RNF144A: variants seen among roughly 807,000 people sequenced by gnomAD.
RNF144A encodes the protein E3 ubiquitin-protein ligase RNF144A.
In RNF144A, 11 loss-of-function variants were observed where a neutral mutation model predicts 38.7. The observed-to-expected ratio is 0.28, with a 90% CI of 0.18 to 0.47. The LOEUF (loss-of-function observed/expected upper bound fraction) is 0.47. RNF144A is among the 20% of genes least tolerant of loss of function. The pLI is 0.99. For synonymous variants in RNF144A, 149 were observed against 143.9 expected (o/e 1.04, Z -0.25); for missense variants, 316 against 377.2 (o/e 0.84, Z 1.34).
In RNF144A at chr2:7,040,775, G is replaced by C. The variant is rs1429399300; in HGVS notation, c.*1015G>C. ...CTGGAGGACTCTGGGGGCTAGGGAA[G>C]AGCCTGCCAGATTTTCACATTTTTA... On this transcript the variant is annotated 3_prime_UTR_variant, in exon 9 of 9. Coordinates refer to ENST00000320892, the MANE Select transcript of RNF144A (RefSeq NM_014746.6). 3.0e-6 allele frequency: 3 copies of C among 985,368 alleles called. No homozygotes were observed. Among genetic ancestry groups the C allele is most frequent in the Non-Finnish European group, 3.6e-6 (3 of 829,956 alleles). The allele number at this position is 985,368 out of a possible 1,614,324, so 61.0% of individuals were successfully genotyped here. A position where few individuals can be genotyped will look rare whatever the true frequency, so the allele number is the denominator to read the frequency against.
the RNF144A span, among the ~76,000 whole-genome samples, chr2:7,075,291 C>G: frequency 8.6e-5 from 13 of 151,220 alleles, no homozygotes; most frequent in African/African-American, 2.4e-4. Flanking sequence ...TCCCCCCCCC[C>G]ACACAGTGTT....
chr2:7,037,536 T>C lies in RNF144A; in HGVS notation c.748-2093T>C, dbSNP rs370427314. On this transcript the variant is annotated intron_variant, in intron 8 of 8. Coordinates refer to ENST00000320892, the MANE Select transcript of RNF144A (RefSeq NM_014746.6). ...ACAACCTGAATTCACACTGGGTAGT[T>C]CCACCGTTGATATGTTGTTCAGACA... Among the ~76,000 whole-genome samples the C allele has an allele frequency of 4.6e-5, 7 of 152,354 alleles. No homozygotes were observed. The South Asian group carries it at 1.4e-3, about 32-fold the overall frequency.
At chr2:6,976,170 A>C (rs1009269591) in intron 2 of RNF144A, among the ~76,000 whole-genome samples, 1 of 152,172 alleles carries the variant, frequency 6.6e-6, no homozygotes, top group Admixed American at 6.5e-5. Flanking sequence ...TCTTTGGTAG[A>C]TATATTGACA....
chr2:6,976,639 A>G (rs1264885866), intron 2 of RNF144A, among the ~76,000 whole-genome samples: 1 of 148,526 alleles, frequency 6.7e-6, no homozygotes, highest in East Asian at 1.9e-4. Context: ...TTTCATATAT[A>G]TAAATTTATT....
downstream of RNF144A, among the ~76,000 whole-genome samples, chr2:7,072,244 G>C (rs143220545): frequency 6.6e-6 from 1 of 152,256 alleles, no homozygotes; most frequent in Admixed American, 6.5e-5. Flanking sequence ...GGTGCTACTA[G>C]TGAGGGCACA....
At chr2:6,967,905 G>A (rs1667772628) in intron 2 of RNF144A, among the ~76,000 whole-genome samples, 1 of 152,084 alleles carries the variant, frequency 6.6e-6, no homozygotes, top group African/African-American at 2.4e-5. Context: ...CAAACCCAAA[G>A]CACTAAGCTA....
chr2:7,063,894 T>C (rs1674079193), intron 6 of RNF144A, among the ~76,000 whole-genome samples: 1 of 152,188 alleles, frequency 6.6e-6, no homozygotes, highest in African/African-American at 2.4e-5. Context: ...GAATACCACA[T>C]AGTGGATAAT....
In RNF144A at chr2:7,010,947, G is replaced by A. The variant is rs1053837458; in HGVS notation, c.136-3507G>A. Among the ~76,000 whole-genome samples the A allele has an allele frequency of 2.6e-5, 4 of 152,122 alleles. 1 individual carries two copies. The highest frequency in any genetic ancestry group is 2.6e-4 in the Admixed American group (4 of 15,278). ...ACACTGGGCTGTGCGGGTCTCAATAGCATTTGCAGCATTGCAAATGGATCA... is the reference window on the plus strand; with the variant it reads ...ACACTGGGCTGTGCGGGTCTCAATAACATTTGCAGCATTGCAAATGGATCA... On this transcript the variant is annotated intron_variant, in intron 3 of 8. Coordinates refer to ENST00000320892, the MANE Select transcript of RNF144A (RefSeq NM_014746.6).
chr2:6,991,033 C>A (rs568660934), intron 2 of RNF144A, among the ~76,000 whole-genome samples: 1 of 152,186 alleles, frequency 6.6e-6, no homozygotes, highest in East Asian at 1.9e-4. Context: ...TTTTCAGTGC[C>A]GAATAATATT....
At chr2:6,929,636 C>CTG (rs1169402605) in intron 1 of RNF144A, among the ~76,000 whole-genome samples, 1 of 152,142 alleles carries the variant, frequency 6.6e-6, no homozygotes, top group Non-Finnish European at 1.5e-5. Flanking sequence ...AAACCCTCAG[C>CTG]TGAGGTGCTA....
chr2:6,986,318 C>T (rs1048000044), intron 2 of RNF144A, among the ~76,000 whole-genome samples: 20 of 152,038 alleles, frequency 1.3e-4, no homozygotes, highest in African/African-American at 4.8e-4. Flanking sequence ...CTGTTACCTC[C>T]ATTATGTCTT....
At chr2:7,007,357 C>T (rs763783914) in intron 3 of RNF144A, among the ~76,000 whole-genome samples, 4 of 152,232 alleles carry the variant, frequency 2.6e-5, no homozygotes, top group Non-Finnish European at 4.4e-5. Flanking sequence ...AAGTGTCACA[C>T]GATTACAACT....
chr2:6,942,770 G>A (rs1666090395), intron 2 of RNF144A, among the ~76,000 whole-genome samples: 1 of 152,190 alleles, frequency 6.6e-6, no homozygotes, highest in East Asian at 1.9e-4. Context: ...GATCACCTGA[G>A]GTCAGGAGTT....
intron 2 of RNF144A, among the ~76,000 whole-genome samples, chr2:6,970,087 G>C (rs1667913311): frequency 1.3e-5 from 2 of 152,126 alleles, no homozygotes; most frequent in South Asian, 4.1e-4. Flanking sequence ...ATACCTTCAG[G>C]CTATGTGGGT....
intron 2 of RNF144A, among the ~76,000 whole-genome samples, chr2:6,957,485 A>G (rs749845005): frequency 3.3e-5 from 5 of 152,178 alleles, no homozygotes; most frequent in Non-Finnish European, 1.5e-5. Context: ...TAAGAGGGAA[A>G]CTGGTCTACC....
chr2:7,048,185 C>T (rs762077738), downstream of RNF144A, among the ~76,000 whole-genome samples: 1 of 152,130 alleles, frequency 6.6e-6, no homozygotes, highest in African/African-American at 2.4e-5. Flanking sequence ...CAGGCACACC[C>T]GTACGATCTC....
At chr2:6,968,452 GCTGGGACAAACCA>G (rs1253488001) in intron 2 of RNF144A, among the ~76,000 whole-genome samples, 2 of 152,218 alleles carry the variant, frequency 1.3e-5, no homozygotes, top group African/African-American at 4.8e-5. Flanking sequence ...CACCTCCTCA[GCTGGGACAAACCA>G]CTGATTTATT....
chr2:6,985,710 TTG>T (rs1668911542), intron 2 of RNF144A, among the ~76,000 whole-genome samples: 1 of 152,242 alleles, frequency 6.6e-6, no homozygotes, highest in African/African-American at 2.4e-5. Flanking sequence ...TCTTGCTCTG[TTG>T]CACAGGCTGG....
chr2:6,936,589 TTGA>T (rs1665598865), intron 1 of RNF144A, among the ~76,000 whole-genome samples: 1 of 152,206 alleles, frequency 6.6e-6, no homozygotes, highest in African/African-American at 2.4e-5. Context: ...CTTTTCTATA[TTGA>T]TAGACACACA....
Sources: allele counts gnomAD v4.1 joint callset (sites outside exome capture counted in the v4.1 genomes callset), GRCh38; gene constraint gnomAD v4.1.1; transcripts MANE v1.5; gene names NCBI Gene and HGNC (gene_info 2026-07-23, HGNC 2026-07-21).